Variants in GPR75 observed in about 807,000 individuals in gnomAD.
GPR75 encodes G protein-coupled receptor 75.
A neutral mutation model predicts 26.0 loss-of-function variants in GPR75; 27 were observed. That is an observed-to-expected ratio of 1.04 (90% CI 0.77 to 1.43). The LOEUF (loss-of-function observed/expected upper bound fraction) is 1.43, where lower values mean the gene tolerates loss of function less well. GPR75 is among the 40% of genes most tolerant of loss of function. GPR75 has a pLI of 0.00. For synonymous variants in GPR75, 285 were observed against 256.3 expected (o/e 1.11, Z -1.07); for missense variants, 699 against 662.3 (o/e 1.06, Z -0.61).
chr2:53,856,946 ATTTTTTTT>A (rs10665107), intron 1 of GPR75, among the ~76,000 whole-genome samples: 24 of 78,956 alleles, frequency 3.0e-4, no homozygotes, highest in African/African-American at 1.0e-3. Context: ...GAGAAAGACA[ATTTTTTTT>A]TTTTTTTTTT....
In GPR75 at chr2:53,859,908, G is replaced by C. The variant is rs1161003498; in HGVS notation, c.-190C>G. 2 of 1,516,096 alleles carry C rather than the reference G, an allele frequency of 1.3e-6. No individual in the cohort carries two copies. The highest frequency in any genetic ancestry group is 2.0e-5 in the Admixed American group (1 of 49,034). 93.9% of individuals were successfully genotyped at this position (1,516,096 alleles called of 1,614,324 possible). A position where few individuals can be genotyped will look rare whatever the true frequency, so the allele number is the denominator to read the frequency against. On this transcript the variant is annotated 5_prime_UTR_variant, in exon 1 of 2. Transcript: ENST00000394705. ...CCGCCTGCCGCTCTGGATGATGCAG[G>C]ACTAGAGGCATCATCGCCATCGCCA...
At position 53,853,719 on chromosome 2, in the gene GPR75, G is replaced by A. The variant is rs1431286683; in HGVS notation, c.1038C>T (p.Leu346=). ...AAAGAATGAAGCTCCCATTGCTGGA[G>A]AGAACCACCTGTACCAAGGAAATCC... The part of the protein sequence containing the change: ...PLGISLVQVV[L]SSNGSFILYQ... The change falls in exon 2 of 2, where the codon CTC becomes CTT. Residue 346 remains leucine (L), a synonymous_variant. Transcript: ENST00000394705. 4.3e-6 allele frequency: 7 copies of A among 1,613,780 alleles called. No homozygotes were observed. The highest frequency in any genetic ancestry group is 5.1e-6 in the Non-Finnish European group (6 of 1,179,786).
chr2:53,857,767 G>A (rs974596610), intron 1 of GPR75, among the ~76,000 whole-genome samples: 2 of 151,916 alleles, frequency 1.3e-5, no homozygotes, highest in Non-Finnish European at 2.9e-5. Context: ...TAATAGAGAT[G>A]GAGTCTCACT....
At chr2:53,857,888 T>TA (rs975189463) in intron 1 of GPR75, among the ~76,000 whole-genome samples, 7 of 151,964 alleles carry the variant, frequency 4.6e-5, no homozygotes, top group South Asian at 2.1e-4. Context: ...TTCAGTAAAT[T>TA]AAAAAAAATA....
At chr2:53,856,927 C>G (rs1220877966) in intron 1 of GPR75, among the ~76,000 whole-genome samples, 1 of 143,602 alleles carries the variant, frequency 7.0e-6, no homozygotes, top group Non-Finnish European at 1.5e-5. Flanking sequence ...CTTTTGATAC[C>G]TATATAATGA....
At chr2:53,856,845 G>A (rs375540668) in intron 1 of GPR75, among the ~76,000 whole-genome samples, 1 of 151,184 alleles carries the variant, frequency 6.6e-6, no homozygotes, top group Non-Finnish European at 1.5e-5. Context: ...GTTTCTTGAT[G>A]GTTAGAATTT....
chr2:53,857,401 C>T (rs1678260787), intron 1 of GPR75, among the ~76,000 whole-genome samples: 1 of 152,006 alleles, frequency 6.6e-6, no homozygotes, highest in Non-Finnish European at 1.5e-5. Context: ...GTCTCTAACC[C>T]CCTTATCTCC....
intron 1 of GPR75, among the ~76,000 whole-genome samples, chr2:53,856,743 AT>A (rs1678236368): frequency 6.6e-6 from 1 of 152,202 alleles, no homozygotes; most frequent in African/African-American, 2.4e-5. Context: ...TCAGGACGAT[AT>A]GGTGAATTTG....
In GPR75 at chr2:53,854,665, T is replaced by G; in HGVS notation, c.92A>C (p.Glu31Ala). ...SQEGNSTSLQ[E>A]GLQDLIHTAT... ...TGTGTGGATGAGATCCTGAAGACCCTCCTGGAGAGAGGTGCTGTTTCCTTC... is the reference window on the plus strand; with the variant it reads ...TGTGTGGATGAGATCCTGAAGACCCGCCTGGAGAGAGGTGCTGTTTCCTTC... The change falls in exon 2 of 2, where the codon GAG (glutamate) becomes GCG (alanine). Residue 31 changes from glutamate (E) to alanine (A), a missense_variant. Transcript: ENST00000394705. 1 of 1,614,042 alleles carries G rather than the reference T, an allele frequency of 6.2e-7. No individual in the cohort carries two copies. The highest frequency in any genetic ancestry group is 1.3e-5 in the African/African-American group (1 of 75,026).
chr2:53,859,938 C>G lies in GPR75; in HGVS notation c.-220G>C. ...GAGGCATCATCGCCATCGCCACCGC[C>G]TCCGCGCATCCCGGGAGCCGCGGCA... On this transcript the variant is annotated 5_prime_UTR_variant, in exon 1 of 2. Coordinates refer to ENST00000394705, the MANE Select transcript of GPR75 (RefSeq NM_006794.4). 1 of 1,495,526 alleles carries G rather than the reference C, an allele frequency of 6.7e-7. No individual in the cohort carries two copies. The highest frequency in any genetic ancestry group is 8.9e-7 in the Non-Finnish European group (1 of 1,127,392). 92.6% of individuals were successfully genotyped at this position (1,495,526 alleles called of 1,614,324 possible).
At chr2:53,854,928 A>C in intron 1 of GPR75, 63 bp from the exon 2 acceptor site, 1 of 599,926 alleles carries the variant, frequency 1.7e-6, no homozygotes, top group South Asian at 2.1e-5. Flanking sequence ...AAAGGAATTC[A>C]TACAGTGATC....
intron 1 of GPR75, among the ~76,000 whole-genome samples, chr2:53,859,257 C>T (rs762510597): frequency 6.6e-6 from 1 of 151,804 alleles, no homozygotes; most frequent in Non-Finnish European, 1.5e-5. Context: ...GTATTTCTAT[C>T]GATCAGGAAA....
rs768025524 is a variant in GPR75, at chr2:53,853,848, G to C, written c.909C>G (p.Leu303=). The change falls in exon 2 of 2, where the codon CTC becomes CTG. Residue 303 remains leucine (L), a synonymous_variant. Transcript: ENST00000394705. ...NQLVTPAASR[L]QLVSAINLST... is the part of the protein sequence containing the mutation. ...AGAGGTTGATGGCTGATACGAGCTG[G>C]AGTCGGCTTGCTGCAGGGGTGACCA... 2 of 1,614,134 alleles carry C rather than the reference G, an allele frequency of 1.2e-6. No homozygotes were observed. The highest frequency in any genetic ancestry group is 2.2e-5 in the East Asian group (1 of 44,870).
At chr2:53,859,246 T>C (rs571587246) in intron 1 of GPR75, among the ~76,000 whole-genome samples, 3 of 151,998 alleles carry the variant, frequency 2.0e-5, no homozygotes, top group Non-Finnish European at 4.4e-5. Flanking sequence ...TGATTCCCAT[T>C]GTATTTCTAT....
chr2:53,859,779 T>A, intron 1 of GPR75, 49 bp downstream of exon 1: 9 of 1,418,914 alleles, frequency 6.3e-6, no homozygotes, highest in Non-Finnish European at 8.6e-6. Flanking sequence ...CCGGGAGCCG[T>A]CTCCGGCATC....
In GPR75 at chr2:53,853,560, G is replaced by GA; in HGVS notation, c.1196dup (p.Cys400LeufsTer27). The GA allele has an allele frequency of 6.2e-7, 1 of 1,614,120 alleles. No homozygotes were observed. The highest frequency in any genetic ancestry group is 8.5e-7 in the Non-Finnish European group (1 of 1,180,010). ...GAAGTCGAGTCTTTTGTTTGCAGCA[G>GA]AAAAAACCCAGGCCTATGTATTGGA... On this transcript the variant is annotated frameshift_variant, in exon 2 of 2. Transcript: ENST00000394705. LOFTEE classifies it high-confidence loss of function.
chr2:53,854,124 G>C lies in GPR75; in HGVS notation c.633C>G (p.Phe211Leu). 6.2e-7 allele frequency: 1 copy of C among 1,614,186 alleles called. No individual in the cohort carries two copies. Among genetic ancestry groups the C allele is most frequent in the Non-Finnish European group, 8.5e-7 (1 of 1,180,038 alleles). The change falls in exon 2 of 2, where the codon TTC becomes TTG. Residue 211 changes from phenylalanine (F) to leucine (L), a missense_variant. By Grantham distance (22) the Phe-to-Leu change is conservative. Transcript: ENST00000394705. ...CAGAGACCACAGCAACACAGAAGGT[G>C]AAGTCGACCACATAGAGAGACAAAA... is the stretch of plus-strand genomic sequence containing the variant. The part of the protein sequence containing the change: ...KAILSLYVVD[F>L]TFCVAVVSVS...
At position 53,854,603 on chromosome 2, in the gene GPR75, T is replaced by C. The variant is rs1573158810; in HGVS notation, c.154A>G (p.Ile52Val). 2 of 1,614,048 alleles carry C rather than the reference T, an allele frequency of 1.2e-6. No individual in the cohort carries two copies. The highest frequency in any genetic ancestry group is 2.2e-5 in the East Asian group (1 of 44,856). The change falls in exon 2 of 2, where the codon ATC becomes GTC. Residue 52 changes from isoleucine (I) to valine (V), a missense_variant. Ile to Val is a conservative substitution (Grantham distance 29). Coordinates refer to ENST00000394705, the MANE Select transcript of GPR75 (RefSeq NM_006794.4). ...LVTCTFLLAV[I>V]FCLGSYGNFI... ...TTGCCATAGGAACCCAGGCAGAAGA[T>C]GACCGCCAGTAGAAAAGTACAGGTC... is the stretch of plus-strand genomic sequence containing the variant.
At chr2:53,858,148 C>G (rs1678279722) in intron 1 of GPR75, among the ~76,000 whole-genome samples, 1 of 152,114 alleles carries the variant, frequency 6.6e-6, no homozygotes, top group South Asian at 2.1e-4. Flanking sequence ...GTTGCTCTTC[C>G]ACACTCTTCA....
Sources: gnomAD v4.1 joint callset for allele counts (sites outside exome capture counted in the v4.1 genomes callset) on GRCh38, gnomAD v4.1.1 for gene constraint, MANE v1.5 for transcripts, NCBI Gene and HGNC (gene_info 2026-07-23, HGNC 2026-07-21) for gene names.